TENM1: variants seen among roughly 807,000 people sequenced by gnomAD.
The protein encoded by TENM1 is teneurin transmembrane protein 1.
TENM1 carries 35 observed loss-of-function variants against 174.8 expected under a neutral mutation model. That is an observed-to-expected ratio of 0.20 (90% CI 0.15 to 0.27). TENM1 has a LOEUF of 0.27. Among genes scored for constraint, TENM1 ranks in the 10% least tolerant of loss-of-function variants. TENM1 has a pLI of 1.00. For missense variants in TENM1, 1,633 were observed against 2,130.1 expected (o/e 0.77, Z 4.59); for synonymous variants, 781 against 798.7 (o/e 0.98, Z 0.37).
At chrX:124,609,873 A>G (rs2050243786) in intron 11 of TENM1, among the ~76,000 whole-genome samples, 2 of 112,093 alleles carry the variant, frequency 1.8e-5, no homozygotes, top group Admixed American at 9.5e-5. Flanking sequence ...CTGTTAATGT[A>G]CAGTCACCAT....
the TENM1 span, among the ~76,000 whole-genome samples, chrX:125,003,880 T>C: frequency 9.0e-6 from 1 of 111,584 alleles, no homozygotes; most frequent in African/African-American, 3.3e-5. Context: ...GGTCGGGCCA[T>C]TGTGACATGC....
chrX:124,656,838 G>A (rs2051455950), intron 6 of TENM1, among the ~76,000 whole-genome samples: 1 of 111,344 alleles, frequency 9.0e-6, no homozygotes, highest in Admixed American at 9.6e-5. Context: ...TTGAGGCCAG[G>A]TGCGGTGGCT....
intron 5 of TENM1, among the ~76,000 whole-genome samples, chrX:124,694,232 T>C (rs2052597459): frequency 9.0e-6 from 1 of 111,576 alleles, no homozygotes; most frequent in African/African-American, 3.3e-5. Context: ...AGGTCTGAGA[T>C]TGTTCAAACA....
the TENM1 span, among the ~76,000 whole-genome samples, chrX:125,203,385 C>A: frequency 3.6e-5 from 4 of 112,366 alleles, no homozygotes; most frequent in African/African-American, 6.5e-5. Flanking sequence ...CCCCAAGCAC[C>A]CAGGTCCACT....
At chrX:124,496,982 C>T (rs1302254019) in intron 20 of TENM1, 34 bp downstream of exon 23, 2 of 1,186,955 alleles carry the variant, frequency 1.7e-6, no homozygotes, top group Admixed American at 4.5e-5. Flanking sequence ...GCTTTATCTG[C>T]TAAGCAAATA....
At chrX:124,947,336 A>C (rs1015579816) in intron 1 of TENM1, among the ~76,000 whole-genome samples, 1 of 111,764 alleles carries the variant, frequency 8.9e-6, no homozygotes, top group Non-Finnish European at 1.9e-5. Flanking sequence ...TTTGAACACC[A>C]ATGACTATAT....
intron 21 of TENM1, among the ~76,000 whole-genome samples, chrX:124,484,520 A>C (rs968914993): frequency 8.9e-6 from 1 of 112,007 alleles, no homozygotes; most frequent in African/African-American, 3.2e-5. Context: ...CCATTTATTT[A>C]TATCAGTATG....
chrX:125,070,241 T>C, the TENM1 span, among the ~76,000 whole-genome samples: 83 of 110,562 alleles, frequency 7.5e-4, no homozygotes, highest in Non-Finnish European at 1.4e-3. Flanking sequence ...TGTTAGATGG[T>C]ATTTCACTGT....
intron 3 of TENM1, among the ~76,000 whole-genome samples, chrX:124,890,393 A>G (rs1314609046): frequency 6.2e-5 from 7 of 112,289 alleles, no homozygotes; most frequent in Non-Finnish European, 1.3e-4. Flanking sequence ...TGCTTATTAG[A>G]AAGTAAAGAT....
At chrX:124,857,013 A>T (rs2056826521) in intron 3 of TENM1, among the ~76,000 whole-genome samples, 1 of 111,444 alleles carries the variant, frequency 9.0e-6, no homozygotes, top group Non-Finnish European at 1.9e-5. Context: ...ATACATACAC[A>T]TAAATTATGT....
At chrX:125,039,048 T>C in the TENM1 span, among the ~76,000 whole-genome samples, 1 of 111,382 alleles carries the variant, frequency 9.0e-6, no homozygotes, top group East Asian at 2.8e-4. Flanking sequence ...AATAATCAAG[T>C]CAGGAAGAAG....
chrX:124,862,400 T>TC (rs1160312290), intron 3 of TENM1, among the ~76,000 whole-genome samples: 2 of 110,877 alleles, frequency 1.8e-5, no homozygotes, highest in African/African-American at 3.3e-5. Context: ...AATACCCCCC[T>TC]CCCCCCATTG....
chrX:124,417,221 T>C lies in TENM1; in HGVS notation c.4982+3090A>G, dbSNP rs1007384536. Reference sequence around the variant, plus strand: ...CTCAACTCTTTTCTTCTCTTTCTTTTTTTTTGAAACAGAGTTTCGCTCTTG... The same window carrying C: ...CTCAACTCTTTTCTTCTCTTTCTTTCTTTTTGAAACAGAGTTTCGCTCTTG... On this transcript the variant is annotated intron_variant, in intron 25 of 31. Coordinates refer to ENST00000422452, the Ensembl canonical transcript of TENM1. Among the ~76,000 whole-genome samples the C allele has an allele frequency of 7.2e-5, 8 of 110,830 alleles. No individual in the cohort carries two copies. The Admixed American group carries it at 7.7e-4, about 11-fold the overall frequency.
intron 3 of TENM1, among the ~76,000 whole-genome samples, chrX:124,845,105 T>A (rs1221176727): frequency 4.5e-5 from 5 of 112,146 alleles, no homozygotes. Context: ...TATTCTAAAA[T>A]TTAAAAATTA....
At chrX:124,570,102 T>C (rs926961241) in intron 11 of TENM1, among the ~76,000 whole-genome samples, 1 of 111,274 alleles carries the variant, frequency 9.0e-6, no homozygotes, top group African/African-American at 3.3e-5. Context: ...TTTTTGCCAA[T>C]ACATCTGAAA....
At chrX:124,584,053 G>T (rs200026582) in intron 11 of TENM1, among the ~76,000 whole-genome samples, 1 of 109,521 alleles carries the variant, frequency 9.1e-6, no homozygotes, top group Non-Finnish European at 1.9e-5. Flanking sequence ...CCAAATCTAC[G>T]TCTGATTGGT....
At chrX:124,802,650 T>G (rs2055486325) in intron 3 of TENM1, among the ~76,000 whole-genome samples, 2 of 111,837 alleles carry the variant, frequency 1.8e-5, no homozygotes, top group Admixed American at 1.9e-4. Flanking sequence ...TGACAGAACC[T>G]GGATACCTCG....
the TENM1 span, among the ~76,000 whole-genome samples, chrX:125,191,293 T>A: frequency 8.9e-6 from 1 of 112,093 alleles, no homozygotes; most frequent in African/African-American, 3.2e-5. Context: ...CAACCAATAT[T>A]TATTAATCAC....
At chrX:124,433,834 C>T (rs2266908) in intron 23 of TENM1, among the ~76,000 whole-genome samples, 36,738 of 110,802 alleles carry the variant, frequency 0.33, 4,954 homozygotes, top group East Asian at 0.86. Flanking sequence ...TGCCTCCATA[C>T]TTTAACTTTT....
Sources: allele counts gnomAD v4.1 joint callset (sites outside exome capture counted in the v4.1 genomes callset), GRCh38; gene constraint gnomAD v4.1.1; transcripts MANE v1.5; gene names NCBI Gene and HGNC (gene_info 2026-07-23, HGNC 2026-07-21).